SPTBN4: variants seen among roughly 807,000 people sequenced by gnomAD.
SPTBN4 encodes the protein spectrin beta chain, non-erythrocytic 4.
A neutral mutation model predicts 277.8 loss-of-function variants in SPTBN4; 96 were observed. The ratio of observed to expected loss-of-function variants is 0.35; its 90% confidence interval spans 0.29 to 0.41. The LOEUF (loss-of-function observed/expected upper bound fraction) is 0.41. SPTBN4 is among the 10% of genes least tolerant of loss of function. SPTBN4 has a pLI of 1.00. For missense variants in SPTBN4, 3,006 were observed against 3,595.7 expected, an observed-to-expected ratio of 0.84 and a Z score of 4.19; for synonymous variants, 1,481 against 1,580.3, an observed-to-expected ratio of 0.94 and a Z score of 1.49.
rs779150928 is a variant in SPTBN4, at chr19:40,547,814, TGATGCA to T, written c.4360-1372_4360-1367del. The stretch of plus-strand genomic sequence containing the variant: ...AGCATTTTTTCATATGTCTGTTGGC[TGATGCA>T]GAAGTATTTTTATGTGATCAAATTA... On this transcript the variant is annotated intron_variant, in intron 20 of 35. Coordinates refer to ENST00000598249, the MANE Select transcript of SPTBN4 (RefSeq NM_020971.3). 2.8e-4 allele frequency among the ~76,000 whole-genome samples: 42 copies of T among 152,368 alleles called. 1 individual carries two copies. The East Asian group carries it at 5.8e-3, about 21-fold the overall frequency.
At chr19:40,528,532 C>G (rs1418036646) in intron 17 of SPTBN4, among the ~76,000 whole-genome samples, 1 of 152,208 alleles carries the variant, frequency 6.6e-6, no homozygotes, top group Non-Finnish European at 1.5e-5. Flanking sequence ...GCCTGTCTCT[C>G]TCTGGGCTGT....
In SPTBN4 at chr19:40,504,152, G is replaced by GGGGGGCGCCC; in HGVS notation, c.1665+20_1665+21insGGGGGCGCCC. ...ATGCAGGTGCCGGCGGGGGGGCGGG[G>GGGGGGCGCCC]ATGCGGGTGGAGTGCCAGGAGGGAG... On this transcript the variant is annotated intron_variant, in intron 12 of 35. Coordinates refer to ENST00000598249, the MANE Select transcript of SPTBN4 (RefSeq NM_020971.3). 1 of 877,204 alleles carries GGGGGGCGCCC rather than the reference G, an allele frequency of 1.1e-6. No homozygotes were observed. The highest frequency in any genetic ancestry group is 1.8e-6 in the Non-Finnish European group (1 of 566,482). 54.3% of individuals were successfully genotyped at this position (877,204 alleles called of 1,614,324 possible).
At chr19:40,534,426 A>G (rs1490324849) in intron 20 of SPTBN4, 83 bp downstream of exon 20, 3 of 1,499,336 alleles carry the variant, frequency 2.0e-6, no homozygotes, top group Middle Eastern at 2.4e-4. Flanking sequence ...AGGTATGTCA[A>G]GTGGAGGGGA....
chr19:40,503,573 G>T (rs2080287567), intron 11 of SPTBN4, among the ~76,000 whole-genome samples: 1 of 150,958 alleles, frequency 6.6e-6, no homozygotes, highest in African/African-American at 2.4e-5. Flanking sequence ...TGGTCTCCAG[G>T]GCAACAGGGG....
At position 40,567,922 on chromosome 19, in the gene SPTBN4, CG is replaced by C; in HGVS notation, c.6600del (p.Arg2201GlyfsTer243). ...QPRIDRLPEI[P>X]GRVEPAALPA... ...CGCATTGACCGGCTGCCGGAGATCCCGGGGAGGGTGGAGCCCGCGGCCCTGC... is the reference window on the plus strand; with the variant it reads ...CGCATTGACCGGCTGCCGGAGATCCCGGGAGGGTGGAGCCCGCGGCCCTGC... On this transcript the variant is annotated frameshift_variant, in exon 31 of 36. Transcript: ENST00000598249. LOFTEE classifies it high-confidence loss of function. 1.3e-6 allele frequency: 2 copies of C among 1,521,038 alleles called. No homozygotes were observed. Among genetic ancestry groups the C allele is most frequent in the Non-Finnish European group, 8.8e-7 (1 of 1,137,972 alleles). The allele number at this position is 1,521,038 out of a possible 1,614,324, so 94.2% of individuals were successfully genotyped here. A position where few individuals can be genotyped will look rare whatever the true frequency, so the allele number is the denominator to read the frequency against.
chr19:40,521,795 CT>C (rs1568805461), intron 16 of SPTBN4, among the ~76,000 whole-genome samples: 1 of 152,136 alleles, frequency 6.6e-6, no homozygotes, highest in African/African-American at 2.4e-5. Context: ...CTGAAGTGGC[CT>C]TGAGAGACCC....
chr19:40,487,183 T>A (rs2080081961), intron 2 of SPTBN4, among the ~76,000 whole-genome samples: 1 of 150,922 alleles, frequency 6.6e-6, no homozygotes, highest in Admixed American at 6.6e-5. Flanking sequence ...TTAACAGGCA[T>A]GCACCACCAT....
chr19:40,497,499 G>A lies in SPTBN4; in HGVS notation c.679G>A (p.Val227Met), dbSNP rs376321398. ...ALIHRHRPDLVDFSKLTKSNA... is the reference protein window; with the variant it reads ...ALIHRHRPDLMDFSKLTKSNA... The stretch of plus-strand genomic sequence containing the variant: ...TGTGCCCCTGCCCAGGCCTGATCTC[G>A]TGGACTTCAGCAAACTCACCAAGTC... Residue 227 changes from valine (V) to methionine (M), a missense_variant, in exon 7 of 36, where the codon GTG (valine) becomes ATG (methionine). This residue lies in a region of SPTBN4 where 1,759 missense variants were observed against 2,061.5 expected (regional missense o/e 0.85). Transcript: ENST00000598249. 80 of 1,613,662 alleles carry A rather than the reference G, an allele frequency of 5.0e-5. No individual in the cohort carries two copies. Among genetic ancestry groups the A allele is most frequent in the Non-Finnish European group, 6.3e-5 (74 of 1,179,778 alleles).
chr19:40,486,730 C>T (rs913839042), intron 2 of SPTBN4, among the ~76,000 whole-genome samples: 1 of 151,854 alleles, frequency 6.6e-6, no homozygotes, highest in Non-Finnish European at 1.5e-5. Flanking sequence ...GGCGCAATGG[C>T]TCATGCCTGT....
At chr19:40,523,383 C>A in intron 16 of SPTBN4, 54 bp from the exon 17 acceptor site, 1 of 1,522,672 alleles carries the variant, frequency 6.6e-7, no homozygotes, top group Non-Finnish European at 8.9e-7. Context: ...CAGCCTCTCC[C>A]AGGTCCTGGA....
chr19:40,573,302 A>G (rs2081171247), intron 35 of SPTBN4, among the ~76,000 whole-genome samples: 1 of 152,176 alleles, frequency 6.6e-6, no homozygotes, highest in African/African-American at 2.4e-5. Flanking sequence ...ACAGAGTGAG[A>G]TTCTGTCTCA....
At position 40,490,253 on chromosome 19, in the gene SPTBN4, C is replaced by A. The variant is rs2080122109; in HGVS notation, c.495+5C>A. 2 of 1,611,358 alleles carry A rather than the reference C, an allele frequency of 1.2e-6. No homozygotes were observed. The highest frequency in any genetic ancestry group is 2.7e-5 in the African/African-American group (2 of 74,866). ...ACCATCATCCTGCGCTTCCAGGTGA[C>A]CCTCGAGTGGCCCCTGCCAAGCCCC... On this transcript the variant is annotated splice_donor_5th_base_variant and intron_variant, in intron 4 of 35. Transcript: ENST00000598249. This position sits in a 1 kb window ranked among gnomAD's most constrained non-coding sequence, Gnocchi z 4.3.
rs1369363185 is a variant in SPTBN4, at chr19:40,567,870, G to A, written c.6544G>A (p.Glu2182Lys). The A allele has an allele frequency of 3.3e-6, 5 of 1,526,002 alleles. No individual in the cohort carries two copies. Among genetic ancestry groups the A allele is most frequent in the Non-Finnish European group, 4.4e-6 (5 of 1,138,530 alleles). 94.5% of individuals were successfully genotyped at this position (1,526,002 alleles called of 1,614,324 possible). Residue 2182 changes from glutamate to lysine, a missense_variant, in exon 31 of 36, where the codon GAG becomes AAG. By Grantham distance (56) the Glu-to-Lys change is moderately conservative (BLOSUM62 1). Around this residue, in one of 5 missense-constraint regions of SPTBN4, gnomAD observed 630 missense variants for 677.6 expected, o/e 0.93. Transcript: ENST00000598249. ...GACTCGGGTGGGGTATGTGCGCCAG[G>A]AGCTCAAGCCCGAGCGCCTCCAGCC... ...VRTRVGYVRQ[E>K]LKPERLQPRI... is the part of the protein sequence containing the mutation.
Position 40,573,205 on chromosome 19 carries a change from CA to C in SPTBN4, c.7536+826del, listed in dbSNP as rs547787215. Reference sequence around the variant, plus strand: ...GCACATGCCTGTGGTCCCAGCTACTCAGGAGGCCGAGTGGAAGGATCACCTG... The same window carrying C: ...GCACATGCCTGTGGTCCCAGCTACTCGGAGGCCGAGTGGAAGGATCACCTG... On this transcript the variant is annotated intron_variant, in intron 35 of 35. Transcript: ENST00000598249. 1.2e-4 allele frequency among the ~76,000 whole-genome samples: 19 copies of C among 152,232 alleles called. No homozygotes were observed. In the East Asian group the frequency reaches 3.7e-3, roughly 29 times the overall value.
At chr19:40,561,784 T>G (rs1274700606) in intron 27 of SPTBN4, among the ~76,000 whole-genome samples, 1 of 145,236 alleles carries the variant, frequency 6.9e-6, no homozygotes, top group Non-Finnish European at 1.5e-5. Flanking sequence ...ATCGTGCCAC[T>G]GCACTCCAGC....
chr19:40,563,615 T>G (rs1435875673), intron 27 of SPTBN4, among the ~76,000 whole-genome samples: 2 of 105,052 alleles, frequency 1.9e-5, no homozygotes, highest in Non-Finnish European at 3.9e-5. Flanking sequence ...TTCGAACTTC[T>G]GGCCTCAGGT....
Position 40,575,659 on chromosome 19 carries a change from C to G in SPTBN4, c.*90C>G. On this transcript the variant is annotated 3_prime_UTR_variant, in exon 36 of 36. Transcript: ENST00000598249. Reference sequence around the variant, plus strand: ...ACTTTTTCTTCCGCAGGGGCGGGAGCCCCTAGTTCCAACACTGAGGACGCG... The same window carrying G: ...ACTTTTTCTTCCGCAGGGGCGGGAGGCCCTAGTTCCAACACTGAGGACGCG... The G allele has an allele frequency of 6.9e-7, 1 of 1,446,706 alleles. No individual in the cohort carries two copies. The highest frequency in any genetic ancestry group is 9.2e-7 in the Non-Finnish European group (1 of 1,092,404). 89.6% of individuals were successfully genotyped at this position (1,446,706 alleles called of 1,614,324 possible).
Position 40,502,579 on chromosome 19 carries a change from A to G in SPTBN4, c.1203+72A>G. On this transcript the variant is annotated intron_variant, in intron 10 of 35. Transcript: ENST00000598249. This position sits in a 1 kb window ranked among gnomAD's most constrained non-coding sequence, Gnocchi z 4.9. ...GTATAGGTTGCACACTGCTCAAGGGAATCATTCACATTGTAGACATGATGG... is the reference window on the plus strand; with the variant it reads ...GTATAGGTTGCACACTGCTCAAGGGGATCATTCACATTGTAGACATGATGG... 6.8e-7 allele frequency: 1 copy of G among 1,466,944 alleles called. No homozygotes were observed. The highest frequency in any genetic ancestry group is 9.2e-7 in the Non-Finnish European group (1 of 1,081,094). 90.9% of individuals were successfully genotyped at this position (1,466,944 alleles called of 1,614,324 possible). A position where few individuals can be genotyped will look rare whatever the true frequency, so the allele number is the denominator to read the frequency against.
chr19:40,512,151 A>G (rs1229146365), intron 13 of SPTBN4, among the ~76,000 whole-genome samples: 1 of 152,174 alleles, frequency 6.6e-6, no homozygotes, highest in Non-Finnish European at 1.5e-5. Context: ...AAAACAAAGA[A>G]GTTTCATTTG....
Sources: gnomAD v4.1 joint callset for allele counts (sites outside exome capture counted in the v4.1 genomes callset) on GRCh38, gnomAD v4.1.1 for gene constraint, gnomAD v4.1.1 regional missense constraint, Gnocchi (gnomAD v3.1) non-coding constraint, MANE v1.5 for transcripts, NCBI Gene and HGNC (gene_info 2026-07-23, HGNC 2026-07-21) for gene names.